GALNS: variants seen among roughly 807,000 people sequenced by gnomAD.
The protein encoded by GALNS is galactosamine (N-acetyl)-6-sulfatase.
In GALNS, 65 loss-of-function variants were observed where a neutral mutation model predicts 65.9. That is an observed-to-expected ratio of 0.99 (90% CI 0.81 to 1.21). The LOEUF is 1.21. Ranked by LOEUF, GALNS falls within the 50% of genes most tolerant of loss-of-function variation. GALNS has a pLI of 0.00. For missense variants in GALNS, 776 were observed against 700.7 expected (o/e 1.11, Z -1.21); for synonymous variants, 346 against 288.9 (o/e 1.20, Z -2.00).
chr16:88,825,044 G>GCCTGGGCGGCCGGGGCTGGAGCT (rs1244100735), intron 10 of GALNS, among the ~76,000 whole-genome samples, 175 bp from the exon 11 acceptor site: 1 of 129,024 alleles, frequency 7.8e-6, no homozygotes, highest in Non-Finnish European at 1.6e-5. Context: ...GGGCTGGGGT[G>GCCTGGGCGGCCGGGGCTGGAGCT]CCTGGGCGGC....
chr16:88,826,971 C>G, intron 9 of GALNS, 133 bp from the exon 10 acceptor site: 2 of 1,095,056 alleles, frequency 1.8e-6, no homozygotes, highest in Non-Finnish European at 2.7e-6. Flanking sequence ...CACACGCCCA[C>G]AGCAGGGACT....
chr16:88,821,408 C>T (rs114365126), intron 12 of GALNS, among the ~76,000 whole-genome samples: 2,970 of 152,352 alleles, frequency 0.019, 79 homozygotes, highest in African/African-American at 0.068. Context: ...GGCACAGGCC[C>T]TACTTCCCTT....
chr16:88,835,246 T>C lies in GALNS; in HGVS notation c.865A>G (p.Asn289Asp), dbSNP rs1314520034. Reference protein sequence around the residue: ...DNTFVFFTSDNGAALISAPEQ... With the variant: ...DNTFVFFTSDDGAALISAPEQ... ...GGGGCGGAAATGAGGGCAGCGCCGT[T>C]GTCCGACGTGAAGAAGACGAAGGTG... The change falls in exon 8 of 14, where the codon AAC becomes GAC. Residue 289 changes from asparagine to aspartate, a missense_variant. Asn to Asp is a conservative substitution (Grantham distance 23). Transcript: ENST00000268695. 1.9e-6 allele frequency: 3 copies of C among 1,604,238 alleles called. No individual in the cohort carries two copies. Among genetic ancestry groups the C allele is most frequent in the Non-Finnish European group, 2.6e-6 (3 of 1,174,880 alleles).
In GALNS at chr16:88,823,825, G is replaced by A. The variant is rs544054077; in HGVS notation, c.1242+942C>T. 9.3e-3 allele frequency among the ~76,000 whole-genome samples: 1,367 copies of A among 147,744 alleles called. 9 individuals are homozygous for A. Among genetic ancestry groups the A allele is most frequent in the African/African-American group, 0.032 (1,273 of 39,944 alleles). Reference sequence around the variant, plus strand: ...GACGGCCCTCGCAGGCGGCAATGCCGGGGACCGATGCCCAGGACGGCCCTC... The same window carrying A: ...GACGGCCCTCGCAGGCGGCAATGCCAGGGACCGATGCCCAGGACGGCCCTC... On this transcript the variant is annotated intron_variant, in intron 11 of 13. Coordinates refer to ENST00000268695, the MANE Select transcript of GALNS (RefSeq NM_000512.5).
chr16:88,832,131 T>C, intron 8 of GALNS, 30 bp from the exon 9 acceptor site: 1 of 1,578,834 alleles, frequency 6.3e-7, no homozygotes, highest in Non-Finnish European at 8.7e-7. Context: ...GTCAGGCCAC[T>C]GGGACCAGAT....
chr16:88,823,696 T>C (rs1241195422), intron 11 of GALNS, among the ~76,000 whole-genome samples: 1 of 118,934 alleles, frequency 8.4e-6, no homozygotes, highest in Non-Finnish European at 1.7e-5. Flanking sequence ...CAGGCGGCAA[T>C]GCCGGGGACC....
In GALNS at chr16:88,814,363, G is replaced by A; in HGVS notation, c.*76C>T. 2.0e-6 allele frequency: 3 copies of A among 1,538,216 alleles called. No individual in the cohort carries two copies. The highest frequency in any genetic ancestry group is 2.6e-6 in the Non-Finnish European group (3 of 1,137,520). ...TTGGGCAGGGTTGGGGGAGGACCGA[G>A]GCCAGAGCCATCCTTCCTCCAGGCA... On this transcript the variant is annotated 3_prime_UTR_variant, in exon 14 of 14. Coordinates refer to ENST00000268695, the MANE Select transcript of GALNS (RefSeq NM_000512.5).
intron 12 of GALNS, among the ~76,000 whole-genome samples, chr16:88,819,838 C>T (rs1263055400): frequency 2.0e-5 from 3 of 151,932 alleles, no homozygotes; most frequent in South Asian, 2.1e-4. Flanking sequence ...GGAGTACAGG[C>T]GCCCGCCACC....
chr16:88,832,665 G>T (rs1597561058), intron 8 of GALNS, among the ~76,000 whole-genome samples: 1 of 152,222 alleles, frequency 6.6e-6, no homozygotes, highest in African/African-American at 2.4e-5. Flanking sequence ...CATGGAAGAA[G>T]GGGGTGGGGG....
At chr16:88,854,256 T>C (rs926836982) in intron 1 of GALNS, among the ~76,000 whole-genome samples, 1 of 152,238 alleles carries the variant, frequency 6.6e-6, no homozygotes, top group Non-Finnish European at 1.5e-5. Flanking sequence ...GCCAGCGCCC[T>C]GGCAGAAACA....
In GALNS at chr16:88,841,108, G is replaced by A. The variant is rs1302160725; in HGVS notation, c.320-14C>T. On this transcript the variant is annotated splice_polypyrimidine_tract_variant and intron_variant, in intron 3 of 13. Transcript: ENST00000268695. ...GCGGTGTGTAGGCTGGAAGAGCAGC[G>A]CTGGGTGAGCCCCGAGGAGACCCCG... 7 of 1,606,362 alleles carry A rather than the reference G, an allele frequency of 4.4e-6. No individual in the cohort carries two copies. Among genetic ancestry groups the A allele is most frequent in the East Asian group, 2.2e-5 (1 of 44,828 alleles).
At chr16:88,834,217 C>T (rs532574595) in intron 8 of GALNS, among the ~76,000 whole-genome samples, 1 of 152,398 alleles carries the variant, frequency 6.6e-6, no homozygotes, top group African/African-American at 2.4e-5. Context: ...TTTTGGCTTT[C>T]AGCTGTGCTG....
At chr16:88,829,583 T>TGGCAGTTGCCGCCCCC (rs1188587894) in intron 9 of GALNS, among the ~76,000 whole-genome samples, 5 of 152,172 alleles carry the variant, frequency 3.3e-5, no homozygotes, top group Non-Finnish European at 7.3e-5. Context: ...CAGGCGCCCT[T>TGGCAGTTGCCGCCCCC]GGCAGTTGCC....
chr16:88,840,748 T>A, intron 4 of GALNS: 1 of 549,900 alleles, frequency 1.8e-6, no homozygotes, highest in Non-Finnish European at 3.3e-6. Context: ...GTGACAGGCC[T>A]GCGGAGTCTG....
chr16:88,813,765 G>T lies in GALNS; in HGVS notation c.*674C>A, dbSNP rs542635452. 6.6e-6 allele frequency: 1 copy of T among 152,468 alleles called. No homozygotes were observed. The highest frequency in any genetic ancestry group is 1.5e-5 in the Non-Finnish European group (1 of 68,242). 9.4% of individuals were successfully genotyped at this position (152,468 alleles called of 1,614,324 possible). On this transcript the variant is annotated 3_prime_UTR_variant, in exon 14 of 14. Coordinates refer to ENST00000268695, the MANE Select transcript of GALNS (RefSeq NM_000512.5). ...TGGGAATTAGGCAAACCTGCCTCCC[G>T]TTTTATTTCTAAATAACATAGTTAC...
chr16:88,846,110 G>T (rs1967230509), intron 1 of GALNS, among the ~76,000 whole-genome samples: 1 of 152,176 alleles, frequency 6.6e-6, no homozygotes, highest in African/African-American at 2.4e-5. Context: ...TGAGATACTG[G>T]GAACAGAAAT....
At chr16:88,831,715 G>C (rs377311014) in intron 9 of GALNS, among the ~76,000 whole-genome samples, 3 of 2,402 alleles carry the variant, frequency 1.2e-3, no homozygotes, top group East Asian at 0.011. Flanking sequence ...GTGGGGAGGA[G>C]AGCGGTGAGG....
At chr16:88,835,168 A>ACGCTGG (rs1911981876) in intron 8 of GALNS, 45 bp downstream of exon 8, 1 of 1,553,594 alleles carries the variant, frequency 6.4e-7, no homozygotes. Context: ...CTTCGCTGAC[A>ACGCTGG]CGCTGGCTGT....
chr16:88,818,170 G>C (rs764832569), intron 12 of GALNS, 46 bp from the exon 13 acceptor site: 2 of 1,461,114 alleles, frequency 1.4e-6, no homozygotes, highest in African/African-American at 2.8e-5. Flanking sequence ...TGACAGCGAA[G>C]GACGGAGAGG....
Sources: allele counts gnomAD v4.1 joint callset (sites outside exome capture counted in the v4.1 genomes callset), GRCh38; gene constraint gnomAD v4.1.1; transcripts MANE v1.5; gene names NCBI Gene and HGNC (gene_info 2026-07-23, HGNC 2026-07-21).